The following CFAP47 variants were observed in gnomAD, a reference collection of about 807,000 sequenced individuals.
CFAP47 encodes cilia and flagella associated protein 47, also known as cilia- and flagella-associated protein 47.
Under a neutral mutation model 148.1 loss-of-function variants are expected in CFAP47, and 29 were observed. The observed-to-expected ratio is 0.20, with a 90% CI of 0.15 to 0.27. CFAP47 has a LOEUF of 0.27. CFAP47 is among the 10% of genes least tolerant of loss of function. The pLI, the probability that CFAP47 is intolerant of heterozygous loss-of-function variation, is 1.00. For synonymous variants in CFAP47, 664 were observed against 577.3 expected, an observed-to-expected ratio of 1.15 and a Z score of -2.15; for missense variants, 1,872 against 1,697.5, an observed-to-expected ratio of 1.10 and a Z score of -1.81.
At chrX:36,372,628 C>G (rs1941982826) in intron 62 of CFAP47, among the ~76,000 whole-genome samples, 2 of 111,446 alleles carry the variant, frequency 1.8e-5, no homozygotes, top group African/African-American at 6.5e-5. Context: ...ATAATGAAGG[C>G]ACCTGCAACA....
chrX:36,350,012 C>A (rs1340598417), intron 58 of CFAP47, 26 bp from the exon 59 acceptor site: 3 of 952,454 alleles, frequency 3.1e-6, no homozygotes, highest in Non-Finnish European at 2.9e-6. Context: ...CTTTTGTTCC[C>A]TCTTAATATT....
chrX:36,132,478 C>T (rs1014388542), intron 33 of CFAP47, among the ~76,000 whole-genome samples: 4 of 111,698 alleles, frequency 3.6e-5, no homozygotes, highest in Non-Finnish European at 7.6e-5. Flanking sequence ...AACAAGCTTC[C>T]ATTTGATGTA....
In CFAP47 at chrX:35,927,313, A is replaced by G. The variant is rs891600487; in HGVS notation, c.401+1145A>G. Among the ~76,000 whole-genome samples the G allele has an allele frequency of 2.7e-5, 3 of 111,780 alleles. No individual in the cohort carries two copies. The Admixed American group carries it at 2.9e-4, about 11-fold the overall frequency. On this transcript the variant is annotated intron_variant, in intron 2 of 63. Transcript: ENST00000378653. ...GTAGACACATGGTAGGAAAAAAACA[A>G]GCTATTAACCCAGTATAAATATTTA...
intron 49 of CFAP47, among the ~76,000 whole-genome samples, chrX:36,268,956 A>G (rs1283997214): frequency 1.8e-5 from 2 of 112,170 alleles, no homozygotes; most frequent in South Asian, 7.4e-4. Flanking sequence ...TGAATTTACT[A>G]ATTCGGTCAG....
chrX:36,364,808 G>A (rs1428560753), intron 61 of CFAP47, among the ~76,000 whole-genome samples: 2 of 104,579 alleles, frequency 1.9e-5, no homozygotes, highest in Non-Finnish European at 4.0e-5. Flanking sequence ...ATAAATATTT[G>A]GAGAACTAGT....
intron 33 of CFAP47, among the ~76,000 whole-genome samples, chrX:36,105,371 A>G (rs1938449071): frequency 8.9e-6 from 1 of 111,796 alleles, no homozygotes; most frequent in African/African-American, 3.2e-5. Context: ...CCTTTCTTCC[A>G]AGTACATACA....
chrX:36,129,043 T>C (rs1938897285), intron 33 of CFAP47, among the ~76,000 whole-genome samples: 1 of 110,389 alleles, frequency 9.1e-6, no homozygotes, highest in Non-Finnish European at 1.9e-5. Context: ...TATTTCTTGT[T>C]TTTTGAATTT....
chrX:36,170,367 T>C (rs1939553298), intron 39 of CFAP47, among the ~76,000 whole-genome samples: 1 of 111,162 alleles, frequency 9.0e-6, no homozygotes, highest in African/African-American at 3.3e-5. Context: ...TTACATATGA[T>C]ACATGTGCCA....
At chrX:36,258,550 T>C (rs1483975740) in intron 49 of CFAP47, among the ~76,000 whole-genome samples, 1 of 112,249 alleles carries the variant, frequency 8.9e-6, no homozygotes, top group African/African-American at 3.2e-5. Flanking sequence ...ATTGTAGCAA[T>C]TGAGGATAAC....
rs186721242 is a variant in CFAP47, at chrX:36,242,254, G to A, written c.7332+5395G>A. ...ATCAATGCAAGAACTTTGGCAATTC[G>A]AAAACCAGAGCGTCTTCTTACCTCC... On this transcript the variant is annotated intron_variant, in intron 48 of 63. Transcript: ENST00000378653. Among the ~76,000 whole-genome samples, 1,010 of 111,971 alleles carry A rather than the reference G, an allele frequency of 9.0e-3. 13 individuals are homozygous for A. The highest frequency in any genetic ancestry group is 0.031 in the African/African-American group (947 of 30,822).
chrX:35,936,665 C>A (rs1935918029), intron 2 of CFAP47, among the ~76,000 whole-genome samples: 1 of 110,817 alleles, frequency 9.0e-6, no homozygotes, highest in South Asian at 3.8e-4. Flanking sequence ...CAGGCACACA[C>A]CCCATTTATG....
intron 45 of CFAP47, among the ~76,000 whole-genome samples, chrX:36,214,083 C>T (rs1940132473): frequency 9.0e-6 from 1 of 111,265 alleles, no homozygotes; most frequent in Non-Finnish European, 1.9e-5. Context: ...TGTACTTACA[C>T]CAACCTAGAT....
rs1048428807 is a variant in CFAP47, at chrX:36,310,911, A to C, written c.8266A>C (p.Ile2756Leu). 1 of 1,141,438 alleles carries C rather than the reference A, an allele frequency of 8.8e-7. No individual in the cohort carries two copies. Among genetic ancestry groups the C allele is most frequent in the African/African-American group, 1.8e-5 (1 of 55,730 alleles). The allele number at this position is 1,141,438 out of a possible 1,213,427, so 94.1% of individuals were successfully genotyped here. ...AGACACGGAAAGAATAACCACACGC[A>C]TTGGTCTTCAGTCAACTATTGTTAT... is the stretch of plus-strand genomic sequence containing the variant. ...PLDTERITTRIGLQSTIVIPF... is the reference protein window; with the variant it reads ...PLDTERITTRLGLQSTIVIPF... The change falls in exon 56 of 64, where the codon ATT becomes CTT. Residue 2756 changes from isoleucine (I) to leucine (L), a missense_variant. Physicochemically the swap from Ile to Leu is conservative, Grantham distance 5. Coordinates refer to ENST00000378653, the MANE Select transcript of CFAP47 (RefSeq NM_001304548.2).
intron 25 of CFAP47, among the ~76,000 whole-genome samples, chrX:36,043,822 C>T (rs927705161): frequency 4.2e-4 from 47 of 112,685 alleles, no homozygotes; most frequent in African/African-American, 1.4e-3. Context: ...CCAGTGGAGA[C>T]TCTGTGTGGC....
At chrX:36,038,339 C>T (rs7886937) in intron 24 of CFAP47, among the ~76,000 whole-genome samples, 6,197 of 111,687 alleles carry the variant, frequency 0.055, 223 homozygotes, top group African/African-American at 0.13. Context: ...TTGGAGATTT[C>T]GATGTGAAAG....
Position 36,168,482 on chromosome X carries a change from C to A in CFAP47, c.6026+7713C>A, listed in dbSNP as rs190245213. 5.3e-5 allele frequency among the ~76,000 whole-genome samples: 6 copies of A among 112,247 alleles called. No individual in the cohort carries two copies. In the East Asian group the frequency reaches 1.7e-3, roughly 31 times the overall value. On this transcript the variant is annotated intron_variant, in intron 39 of 63. Transcript: ENST00000378653. ...TGTATCTCTTTTTCCTAGCCTTTCC[C>A]TAGTGTTATTATACCAATTTCATCT...
At chrX:36,307,772 T>A (rs1235114296) in intron 55 of CFAP47, among the ~76,000 whole-genome samples, 1 of 110,555 alleles carries the variant, frequency 9.0e-6, no homozygotes, top group Non-Finnish European at 1.9e-5. Flanking sequence ...AGCTGAAGTA[T>A]CTTCATTTCC....
intron 26 of CFAP47, among the ~76,000 whole-genome samples, chrX:36,059,189 T>TTA (rs772354841): frequency 1.9e-3 from 214 of 111,693 alleles, no homozygotes; most frequent in Non-Finnish European, 3.4e-3. Flanking sequence ...TTTTAATTAG[T>TTA]TATATATATC....
chrX:36,124,469 T>G (rs774652438), intron 33 of CFAP47, among the ~76,000 whole-genome samples: 1 of 111,657 alleles, frequency 9.0e-6, no homozygotes, highest in Non-Finnish European at 1.9e-5. Flanking sequence ...GTGATTCCCT[T>G]CTGGCTATGC....
Sources: gnomAD v4.1 joint callset for allele counts (sites outside exome capture counted in the v4.1 genomes callset) on GRCh38, gnomAD v4.1.1 for gene constraint, MANE v1.5 for transcripts, NCBI Gene and HGNC (gene_info 2026-07-23, HGNC 2026-07-21) for gene names.